Variants in PARD3 observed in about 807,000 individuals in gnomAD.
PARD3 encodes partitioning defective 3 homolog.
Under a neutral mutation model 155.4 loss-of-function variants are expected in PARD3, and 75 were observed. The ratio of observed to expected loss-of-function variants is 0.48; its 90% CI spans 0.40 to 0.58. The LOEUF (loss-of-function observed/expected upper bound fraction) is 0.58. PARD3 is among the 20% of genes least tolerant of loss of function. PARD3 has a pLI of 0.00. For synonymous variants in PARD3, 576 were observed against 610.5 expected (o/e 0.94, Z 0.83); for missense variants, 1,642 against 1,721.7 (o/e 0.95, Z 0.82).
chr10:34,703,900 G>GA (rs1229916289), intron 1 of PARD3, among the ~76,000 whole-genome samples: 3 of 152,120 alleles, frequency 2.0e-5, no homozygotes, highest in African/African-American at 4.8e-5. Flanking sequence ...TATGAAGGTA[G>GA]AAAAAAGACC....
At chr10:34,651,011 CAAAAAAAAAAAAAAAAAAAAA>C (rs60113552) in intron 2 of PARD3, among the ~76,000 whole-genome samples, 40 of 44,548 alleles carry the variant, frequency 9.0e-4, no homozygotes, top group South Asian at 3.4e-3. Context: ...AACTCTGTCT[CAAAAAAAAAAAAAAAAAAAAA>C]AAAAAAAAAA....
intron 3 of PARD3, among the ~76,000 whole-genome samples, chr10:34,474,754 T>C (rs1457843088): frequency 6.6e-6 from 1 of 152,198 alleles, no homozygotes; most frequent in Admixed American, 6.5e-5. Flanking sequence ...TCTATTAAGT[T>C]CCATTCCTAG....
chr10:34,325,278 G>A (rs1023311921), intron 19 of PARD3, among the ~76,000 whole-genome samples: 1 of 152,064 alleles, frequency 6.6e-6, no homozygotes, highest in Non-Finnish European at 1.5e-5. Flanking sequence ...CCAAAGTGCT[G>A]GGATGACAGG....
At chr10:34,475,666 C>A (rs955067726) in intron 3 of PARD3, among the ~76,000 whole-genome samples, 1 of 152,130 alleles carries the variant, frequency 6.6e-6, no homozygotes, top group Non-Finnish European at 1.5e-5. Context: ...TGATACATTT[C>A]TTTATTTCAG....
intron 2 of PARD3, among the ~76,000 whole-genome samples, chr10:34,582,975 G>A (rs950268258): frequency 6.6e-6 from 1 of 152,176 alleles, no homozygotes; most frequent in Non-Finnish European, 1.5e-5. Flanking sequence ...ATACTTCGGG[G>A]AGACAAGTGT....
Position 34,696,230 on chromosome 10 carries a change from AAAC to A in PARD3, c.222+85_222+87del, listed in dbSNP as rs759436514. 641 of 742,480 alleles carry A rather than the reference AAAC, an allele frequency of 8.6e-4. 2 individuals carry two copies. The highest frequency in any genetic ancestry group is 9.5e-4 in the Non-Finnish European group (401 of 421,572). 46.0% of individuals were successfully genotyped at this position (742,480 alleles called of 1,614,324 possible). On this transcript the variant is annotated intron_variant, in intron 2 of 24. Coordinates refer to ENST00000374788, the MANE Select transcript of PARD3 (RefSeq NM_001184785.2). ...ACACATAATTTAAAGTATGTGTCTA[AAAC>A]AGAAAGGAAAAGAATCGCACCCGCT...
At chr10:34,519,108 T>C (rs1316425576) in intron 2 of PARD3, among the ~76,000 whole-genome samples, 4 of 152,026 alleles carry the variant, frequency 2.6e-5, no homozygotes. Context: ...TCCAAAAGTA[T>C]CAAGGGTCAT....
At chr10:34,543,890 G>A (rs1360602212) in intron 2 of PARD3, among the ~76,000 whole-genome samples, 1 of 152,166 alleles carries the variant, frequency 6.6e-6, no homozygotes, top group Non-Finnish European at 1.5e-5. Flanking sequence ...TGTGGAAAGA[G>A]CACTAAATTA....
chr10:34,349,933 G>A (rs1837859734), intron 14 of PARD3, among the ~76,000 whole-genome samples: 1 of 152,112 alleles, frequency 6.6e-6, no homozygotes, highest in East Asian at 1.9e-4. Flanking sequence ...AGGAGTACAT[G>A]CAGGTTTTCT....
intron 2 of PARD3, among the ~76,000 whole-genome samples, chr10:34,592,735 A>G (rs1425322252): frequency 6.6e-6 from 1 of 152,146 alleles, no homozygotes; most frequent in Non-Finnish European, 1.5e-5. Flanking sequence ...AGATCACACC[A>G]CTGCATTCCA....
chr10:34,305,885 C>G (rs759987939), intron 20 of PARD3, among the ~76,000 whole-genome samples: 8 of 152,164 alleles, frequency 5.3e-5, no homozygotes, highest in Non-Finnish European at 8.8e-5. Context: ...ACTCAGGAGA[C>G]TGAGGCAGGA....
chr10:34,814,880 G>T lies in PARD3; in HGVS notation c.116C>A (p.Ala39Asp). 2 of 1,521,516 alleles carry T rather than the reference G, an allele frequency of 1.3e-6. No individual in the cohort carries two copies. 94.3% of individuals were successfully genotyped at this position (1,521,516 alleles called of 1,614,324 possible). A position where few individuals can be genotyped will look rare whatever the true frequency, so the allele number is the denominator to read the frequency against. ...CCCGCGCCCCCGGCCCCTCACCTTG[G>T]CGATGGCCTTCCGGTAGCGGGTCAC... ...QAVTRYRKAI[A>D]KDPNYWIQVH... is the part of the protein sequence containing the mutation. Residue 39 changes from alanine to aspartate, a missense_variant, in exon 1 of 25, where the codon GCC (alanine) becomes GAC (aspartate). Ala to Asp is a moderately radical substitution (Grantham distance 126). Around this residue, in one of 3 missense-constraint regions of PARD3, gnomAD observed 75 missense variants for 65.3 expected, o/e 1.15. Transcript: ENST00000374788.
chr10:34,615,336 T>C (rs2091182762), intron 2 of PARD3, among the ~76,000 whole-genome samples: 1 of 152,114 alleles, frequency 6.6e-6, no homozygotes, highest in South Asian at 2.1e-4. Context: ...AGCCAACTGA[T>C]TTTCAACAAA....
intron 1 of PARD3, among the ~76,000 whole-genome samples, chr10:34,762,318 G>C (rs1056501843): frequency 6.6e-6 from 1 of 151,242 alleles, no homozygotes; most frequent in Non-Finnish European, 1.5e-5. Context: ...GAGAGAGATG[G>C]GGTCTCACTC....
rs1554880641 is a variant in PARD3, at chr10:34,507,540, T to TA, written c.403+9438dup. ...TGAGCACTGTGACATTCAGATCAAT[T>TA]AAAAAAACAAAAAAAAAAAAACAAA... is the stretch of plus-strand genomic sequence containing the variant. On this transcript the variant is annotated intron_variant, in intron 3 of 24. Transcript: ENST00000374788. Among the ~76,000 whole-genome samples the TA allele has an allele frequency of 6.5e-3, 280 of 43,284 alleles. 1 individual carries two copies. The highest frequency in any genetic ancestry group is 0.054 in the African/African-American group (254 of 4,708). The allele number at this position is 43,284 out of a possible 152,430, so 28.4% of individuals were successfully genotyped here. A position where few individuals can be genotyped will look rare whatever the true frequency, so the allele number is the denominator to read the frequency against.
rs756578374 is a variant in PARD3, at chr10:34,111,578, CAA to C, written c.3669-18_3669-17del. 4.4e-6 allele frequency: 7 copies of C among 1,582,872 alleles called. No homozygotes were observed. The African/African-American group carries it at 9.5e-5, about 21-fold the overall frequency. On this transcript the variant is annotated splice_polypyrimidine_tract_variant and intron_variant, in intron 24 of 24. Transcript: ENST00000374788. ...CCTGCTTTGCCTAGAAAGCAAAACC[CAA>C]AGGTTAGTGTGAGGGTAGGAAGAAG...
chr10:34,177,451 A>C (rs1447071568), intron 22 of PARD3, among the ~76,000 whole-genome samples: 1 of 152,192 alleles, frequency 6.6e-6, no homozygotes, highest in African/African-American at 2.4e-5. Context: ...TCAGTTTGAC[A>C]AGTATTCATC....
intron 2 of PARD3, among the ~76,000 whole-genome samples, chr10:34,518,694 T>C (rs917988264): frequency 6.6e-6 from 1 of 152,074 alleles, no homozygotes; most frequent in Admixed American, 6.5e-5. Flanking sequence ...TTCCAAATAA[T>C]AAATAGAAGG....
intron 22 of PARD3, among the ~76,000 whole-genome samples, chr10:34,244,598 A>C (rs1953822025): frequency 6.6e-6 from 1 of 152,164 alleles, no homozygotes; most frequent in Non-Finnish European, 1.5e-5. Context: ...TCCTAGCAAA[A>C]AATTACAGTG....
Sources: gnomAD v4.1 joint callset for allele counts (sites outside exome capture counted in the v4.1 genomes callset) on GRCh38, gnomAD v4.1.1 for gene constraint, gnomAD v4.1.1 regional missense constraint, MANE v1.5 for transcripts, NCBI Gene and HGNC (gene_info 2026-07-23, HGNC 2026-07-21) for gene names.